Variants in ZC3H3 observed in about 807,000 individuals in gnomAD.
ZC3H3 encodes zinc finger CCCH domain-containing protein 3.
ZC3H3 carries 36 observed loss-of-function variants against 77.3 expected under a neutral mutation model. That is an observed-to-expected ratio of 0.47 (90% CI 0.36 to 0.61). The LOEUF (loss-of-function observed/expected upper bound fraction) is 0.61. Among genes scored for constraint, ZC3H3 ranks in the 20% least tolerant of loss-of-function variants. The pLI, the probability that ZC3H3 is intolerant of heterozygous loss-of-function variation, is 0.00. For synonymous variants in ZC3H3, 626 were observed against 555.2 expected, an observed-to-expected ratio of 1.13 and a Z score of -1.79; for missense variants, 1,331 against 1,312.2, an observed-to-expected ratio of 1.01 and a Z score of -0.22.
At chr8:143,523,106 C>T (rs1334019119) in intron 3 of ZC3H3, among the ~76,000 whole-genome samples, 1 of 152,198 alleles carries the variant, frequency 6.6e-6, no homozygotes, top group Non-Finnish European at 1.5e-5. Flanking sequence ...AGAGGTGCCC[C>T]AGACTGGGCC....
chr8:143,512,063 G>C (rs1459763542), intron 3 of ZC3H3, among the ~76,000 whole-genome samples: 1 of 152,378 alleles, frequency 6.6e-6, no homozygotes, highest in East Asian at 1.9e-4. Flanking sequence ...ATGTTCCCGG[G>C]AGAAGTGACA....
chr8:143,468,659 C>T lies in ZC3H3; in HGVS notation c.1904G>A (p.Gly635Asp), dbSNP rs1820480390. 6.5e-7 allele frequency: 1 copy of T among 1,549,898 alleles called. No homozygotes were observed. Among genetic ancestry groups the T allele is most frequent in the African/African-American group, 1.4e-5 (1 of 73,136 alleles). ...ACAGCTGCCTGCAGGATCCAGCCGG[C>T]CTGTGGGGGAGAGAGGCACGGGTCA... Reference protein sequence around the residue: ...DAGSRPLLRTGRLDPAGSCSR... With the variant: ...DAGSRPLLRTDRLDPAGSCSR... The change falls in exon 6 of 12, where the codon GGC becomes GAC. Residue 635 changes from glycine to aspartate, a missense_variant and splice_region_variant. By Grantham distance (94) the Gly-to-Asp change is moderately conservative. This residue lies in a region of ZC3H3 where 978 missense variants were observed against 915.5 expected (regional missense o/e 1.07). Transcript: ENST00000262577.
At chr8:143,505,537 G>A (rs377576474) in intron 4 of ZC3H3, among the ~76,000 whole-genome samples, 31 of 152,186 alleles carry the variant, frequency 2.0e-4, no homozygotes, top group African/African-American at 5.8e-4. Context: ...CCTAAGAGTC[G>A]TGCCCCTCAG....
intron 4 of ZC3H3, among the ~76,000 whole-genome samples, chr8:143,478,532 G>T (rs1431494893): frequency 1.3e-5 from 2 of 152,196 alleles, no homozygotes; most frequent in African/African-American, 4.8e-5. Context: ...TTTTTGAGAT[G>T]GAGTTTTGCT....
At chr8:143,501,947 G>A (rs1021545153) in intron 4 of ZC3H3, among the ~76,000 whole-genome samples, 1 of 152,258 alleles carries the variant, frequency 6.6e-6, no homozygotes, top group African/African-American at 2.4e-5. Context: ...GGGATGGCGT[G>A]AGGACGCAGG....
At chr8:143,471,103 G>A (rs557781953) in intron 5 of ZC3H3, among the ~76,000 whole-genome samples, 1 of 152,340 alleles carries the variant, frequency 6.6e-6, no homozygotes, top group Non-Finnish European at 1.5e-5. Context: ...CCACTGGACA[G>A]CTGCTGCCTG....
chr8:143,483,408 G>A (rs553452057), intron 4 of ZC3H3, among the ~76,000 whole-genome samples: 2 of 152,318 alleles, frequency 1.3e-5, no homozygotes, highest in East Asian at 3.9e-4. Flanking sequence ...CTTGGCTGGA[G>A]AGGCCCAGCC....
Position 143,538,483 on chromosome 8 carries a change from G to C in ZC3H3, c.884C>G (p.Ala295Gly). 1.2e-6 allele frequency: 2 copies of C among 1,612,912 alleles called. No individual in the cohort carries two copies. Among genetic ancestry groups the C allele is most frequent in the Non-Finnish European group, 8.5e-7 (1 of 1,180,030 alleles). The change falls in exon 2 of 12, where the codon GCC (alanine) becomes GGC (glycine). Residue 295 changes from alanine to glycine, a missense_variant. By Grantham distance (60) the Ala-to-Gly change is moderately conservative. Coordinates refer to ENST00000262577, the MANE Select transcript of ZC3H3 (RefSeq NM_015117.3). Reference protein sequence around the residue: ...PASGPRQAREASLVVTCRTNK... With the variant: ...PASGPRQAREGSLVVTCRTNK... ...AGTTCGACAGGTCACAACCAGCGAG[G>C]CCTCCCGGGCCTGCCTGGGTCCTGA...
At chr8:143,479,887 G>T (rs945339347) in intron 4 of ZC3H3, among the ~76,000 whole-genome samples, 4 of 152,228 alleles carry the variant, frequency 2.6e-5, no homozygotes, top group Non-Finnish European at 5.9e-5. Context: ...TACAAAAGCA[G>T]GTGTATGAAG....
At chr8:143,517,610 G>A (rs1055421416) in intron 3 of ZC3H3, among the ~76,000 whole-genome samples, 8 of 152,282 alleles carry the variant, frequency 5.3e-5, no homozygotes, top group South Asian at 2.1e-4. Flanking sequence ...CTCTGTGAAC[G>A]ACGTCTCCCA....
intron 3 of ZC3H3, among the ~76,000 whole-genome samples, chr8:143,535,331 G>A (rs1296550704): frequency 6.6e-6 from 1 of 152,132 alleles, no homozygotes; most frequent in Non-Finnish European, 1.5e-5. Context: ...GAGCAACCGC[G>A]CCCAGCCTTG....
intron 3 of ZC3H3, among the ~76,000 whole-genome samples, chr8:143,531,022 C>T (rs958714811): frequency 1.4e-5 from 2 of 146,410 alleles, no homozygotes; most frequent in Non-Finnish European, 3.0e-5. Flanking sequence ...TGCAGTGGTG[C>T]GATCATGGCT....
chr8:143,481,683 T>G (rs558428679), intron 4 of ZC3H3, among the ~76,000 whole-genome samples: 8 of 152,348 alleles, frequency 5.3e-5, no homozygotes, highest in African/African-American at 1.9e-4. Flanking sequence ...ACCCTCGTGT[T>G]GTCGCTCTGC....
At chr8:143,531,783 A>G (rs1288474913) in intron 3 of ZC3H3, among the ~76,000 whole-genome samples, 1 of 152,242 alleles carries the variant, frequency 6.6e-6, no homozygotes, top group Non-Finnish European at 1.5e-5. Context: ...CTTGGTGATC[A>G]TTAGTAATTC....
rs907762891 is a variant in ZC3H3, at chr8:143,492,085, G to A, written c.1715+15661C>T. ...ACAGAGAGCCGGACACATGCGTGCCGAGAGGGAATGGAGAGGAGAAACAAG... is the reference window on the plus strand; with the variant it reads ...ACAGAGAGCCGGACACATGCGTGCCAAGAGGGAATGGAGAGGAGAAACAAG... On this transcript the variant is annotated intron_variant, in intron 4 of 11. Transcript: ENST00000262577. Among the ~76,000 whole-genome samples the A allele has an allele frequency of 7.2e-5, 11 of 152,338 alleles. No homozygotes were observed. The South Asian group carries it at 8.3e-4, about 11-fold the overall frequency.
At chr8:143,509,680 G>C (rs2130427879) in intron 3 of ZC3H3, among the ~76,000 whole-genome samples, 1 of 152,330 alleles carries the variant, frequency 6.6e-6, no homozygotes, top group South Asian at 2.1e-4. Flanking sequence ...GACAAAGCTA[G>C]GGTACAGTCC....
In ZC3H3 at chr8:143,541,392, C is replaced by A; in HGVS notation, c.30G>T (p.Gln10His). Residue 10 changes from glutamine to histidine, a missense_variant, in exon 1 of 12, where the codon CAG becomes CAT. Coordinates refer to ENST00000262577, the MANE Select transcript of ZC3H3 (RefSeq NM_015117.3). MEEKEILRR[Q>H]IRLLQGLIDD... ...CGGACCTACCCTGCAGTAGGCGGAT[C>A]TGCCGCCGTAATATCTCCTTTTCCT... 1 of 1,611,834 alleles carries A rather than the reference C, an allele frequency of 6.2e-7. No individual in the cohort carries two copies. Among genetic ancestry groups the A allele is most frequent in the Non-Finnish European group, 8.5e-7 (1 of 1,179,480 alleles).
intron 4 of ZC3H3, among the ~76,000 whole-genome samples, chr8:143,489,544 G>C (rs867904665): frequency 6.6e-6 from 1 of 152,162 alleles, no homozygotes; most frequent in South Asian, 2.1e-4. Flanking sequence ...AGCCTCCGCA[G>C]GCAAGGGGGC....
chr8:143,521,770 C>T (rs924326637), intron 3 of ZC3H3, among the ~76,000 whole-genome samples: 3 of 152,212 alleles, frequency 2.0e-5, no homozygotes, highest in Non-Finnish European at 4.4e-5. Flanking sequence ...AGAAGGGGTC[C>T]CCAGGAAGAA....
Sources: allele counts gnomAD v4.1 joint callset (sites outside exome capture counted in the v4.1 genomes callset), GRCh38; gene constraint gnomAD v4.1.1; regional missense constraint gnomAD v4.1.1; transcripts MANE v1.5; gene names NCBI Gene and HGNC (gene_info 2026-07-23, HGNC 2026-07-21).